RGS6: variants seen among roughly 807,000 people sequenced by gnomAD.
The protein encoded by RGS6 is regulator of G-protein signaling 6.
In RGS6, 30 loss-of-function variants were observed where a neutral mutation model predicts 78.5. The ratio of observed to expected loss-of-function variants is 0.38; its 90% CI spans 0.29 to 0.52. The LOEUF is 0.52. Ranked by LOEUF, RGS6 falls within the 20% of genes least tolerant of loss-of-function variation. The pLI is 0.85. For missense variants in RGS6, 495 were observed against 609.7 expected, an observed-to-expected ratio of 0.81 and a Z score of 1.98; for synonymous variants, 206 against 206.0, an observed-to-expected ratio of 1.00 and a Z score of 0.00.
At chr14:72,329,885 C>A (rs751839150) in intron 2 of RGS6, among the ~76,000 whole-genome samples, 3 of 152,186 alleles carry the variant, frequency 2.0e-5, no homozygotes, top group Non-Finnish European at 4.4e-5. Flanking sequence ...GGCAGCCCCT[C>A]TCCCCACCTC....
chr14:71,879,090 C>T, the RGS6 span, among the ~76,000 whole-genome samples: 2 of 151,886 alleles, frequency 1.3e-5, no homozygotes, highest in South Asian at 2.1e-4. Flanking sequence ...ATGCTGATCC[C>T]GATGTTTACA....
At chr14:72,109,760 A>T (rs2095712003) in intron 2 of RGS6, among the ~76,000 whole-genome samples, 1 of 152,228 alleles carries the variant, frequency 6.6e-6, no homozygotes, top group Non-Finnish European at 1.5e-5. Context: ...ACTGTACAAC[A>T]TAAAAAATAT....
intron 2 of RGS6, among the ~76,000 whole-genome samples, chr14:72,273,682 A>G (rs2060268498): frequency 6.6e-6 from 1 of 152,172 alleles, no homozygotes; most frequent in Non-Finnish European, 1.5e-5. Context: ...AAGCTCTTGT[A>G]ATTTTTCTCC....
chr14:71,911,553 T>C, the RGS6 span, among the ~76,000 whole-genome samples: 1 of 152,146 alleles, frequency 6.6e-6, no homozygotes, highest in Non-Finnish European at 1.5e-5. Context: ...CTAACACCAG[T>C]GAATTCAGAT....
chr14:72,433,328 C>A (rs1222185443), intron 3 of RGS6, among the ~76,000 whole-genome samples: 2 of 151,822 alleles, frequency 1.3e-5, no homozygotes, highest in African/African-American at 4.8e-5. Flanking sequence ...CACACTGGGG[C>A]CTGTCGGGGG....
At chr14:72,074,946 G>GGAAGT (rs2094526137) in intron 2 of RGS6, among the ~76,000 whole-genome samples, 1 of 152,116 alleles carries the variant, frequency 6.6e-6, no homozygotes, top group Admixed American at 6.6e-5. Flanking sequence ...CATTCTTACT[G>GGAAGT]ATGTGGAAAC....
intron 14 of RGS6, among the ~76,000 whole-genome samples, chr14:72,512,622 G>C (rs972683101): frequency 6.6e-6 from 1 of 152,228 alleles, no homozygotes; most frequent in Non-Finnish European, 1.5e-5. Context: ...GACAGGAAAG[G>C]AAATAGAATA....
intron 2 of RGS6, among the ~76,000 whole-genome samples, chr14:72,052,849 C>A (rs763694361): frequency 6.6e-6 from 1 of 151,236 alleles, no homozygotes; most frequent in Admixed American, 6.6e-5. Context: ...TGTGTGGATC[C>A]GATTTCAGAC....
intron 2 of RGS6, among the ~76,000 whole-genome samples, chr14:71,995,757 C>T (rs533103178): frequency 1.7e-4 from 26 of 152,266 alleles, no homozygotes; most frequent in African/African-American, 3.9e-4. Context: ...TTTTTCATGA[C>T]GCACGGCATA....
At chr14:71,874,845 A>T in the RGS6 span, among the ~76,000 whole-genome samples, 1 of 152,178 alleles carries the variant, frequency 6.6e-6, no homozygotes, top group Non-Finnish European at 1.5e-5. Flanking sequence ...GAAAGTTTTT[A>T]GCATGAAGGG....
chr14:72,256,835 G>A (rs1324526842), intron 2 of RGS6, among the ~76,000 whole-genome samples: 1 of 152,168 alleles, frequency 6.6e-6, no homozygotes. Flanking sequence ...ACAGTAGTAT[G>A]CTATGCTTTA....
At chr14:72,263,136 G>T (rs186253160) in intron 2 of RGS6, among the ~76,000 whole-genome samples, 1 of 152,278 alleles carries the variant, frequency 6.6e-6, no homozygotes, top group Non-Finnish European at 1.5e-5. Flanking sequence ...ATTCCAGGCA[G>T]ATCAAACTGT....
intron 2 of RGS6, among the ~76,000 whole-genome samples, chr14:71,971,894 A>T (rs1460972043): frequency 7.1e-6 from 1 of 140,506 alleles, no homozygotes; most frequent in Admixed American, 7.5e-5. Context: ...ATCGCAGCTC[A>T]TAATATGGCA....
Position 72,392,187 on chromosome 14 carries a change from A to AATATATATAT in RGS6, c.184+40000_184+40009dup, listed in dbSNP as rs59588686. 1.1e-4 allele frequency among the ~76,000 whole-genome samples: 16 copies of AATATATATAT among 149,370 alleles called. No homozygotes were observed. The South Asian group carries it at 2.8e-3, about 26-fold the overall frequency. On this transcript the variant is annotated intron_variant, in intron 3 of 17. Coordinates refer to ENST00000553525, the MANE Select transcript of RGS6 (RefSeq NM_001204424.2). ...ATATATATATACACATACATACACA[A>AATATATATAT]ATATATATATATATATTTGTCACAA...
chr14:72,260,589 G>C (rs931429269), intron 2 of RGS6, among the ~76,000 whole-genome samples: 1 of 152,230 alleles, frequency 6.6e-6, no homozygotes, highest in African/African-American at 2.4e-5. Context: ...CATTGCCGTG[G>C]AGAGAAGAGA....
intron 2 of RGS6, among the ~76,000 whole-genome samples, chr14:72,264,526 T>G (rs2058712249): frequency 6.6e-6 from 1 of 152,202 alleles, no homozygotes; most frequent in Non-Finnish European, 1.5e-5. Context: ...CAAAGAAGAT[T>G]TTTACAGAGA....
intron 2 of RGS6, among the ~76,000 whole-genome samples, chr14:72,085,592 G>A (rs1208154805): frequency 6.6e-6 from 1 of 152,060 alleles, no homozygotes; most frequent in Non-Finnish European, 1.5e-5. Context: ...GGTGGCTTAT[G>A]CCTGTAATCC....
the RGS6 span, among the ~76,000 whole-genome samples, chr14:71,893,811 T>C: frequency 6.6e-6 from 1 of 152,120 alleles, no homozygotes; most frequent in Non-Finnish European, 1.5e-5. Flanking sequence ...AAGTGAACTA[T>C]AGGACACAAA....
chr14:72,312,398 G>C (rs1279246715), intron 2 of RGS6, among the ~76,000 whole-genome samples: 2 of 152,104 alleles, frequency 1.3e-5, no homozygotes, highest in African/African-American at 2.4e-5. Context: ...AGTGGCTAAA[G>C]AAGTTGTGTT....
Sources: allele counts gnomAD v4.1 joint callset (sites outside exome capture counted in the v4.1 genomes callset), GRCh38; gene constraint gnomAD v4.1.1; transcripts MANE v1.5; gene names NCBI Gene and HGNC (gene_info 2026-07-23, HGNC 2026-07-21).